The following CDH4 variants were observed in gnomAD, a reference collection of about 807,000 sequenced individuals.
CDH4 encodes the protein cadherin-4.
In CDH4, 33 loss-of-function variants were observed where a neutral mutation model predicts 86.0. The observed-to-expected ratio is 0.38, with a 90% CI of 0.29 to 0.51. CDH4 has a LOEUF of 0.51. Among genes scored for constraint, CDH4 ranks in the 20% least tolerant of loss-of-function variants. The pLI, the probability that CDH4 is intolerant of heterozygous loss-of-function variation, is 0.86. For synonymous variants in CDH4, 555 were observed against 549.4 expected (o/e 1.01, Z -0.14); for missense variants, 1,114 against 1,307.4 (o/e 0.85, Z 2.28).
At chr20:61,730,389 G>T (rs533813994) in intron 2 of CDH4, among the ~76,000 whole-genome samples, 1 of 152,146 alleles carries the variant, frequency 6.6e-6, no homozygotes, top group South Asian at 2.1e-4. Context: ...GAATGTCATG[G>T]AGTTGGAATC....
chr20:61,857,036 A>G (rs1452983851), intron 6 of CDH4, among the ~76,000 whole-genome samples: 1 of 152,170 alleles, frequency 6.6e-6, no homozygotes, highest in Non-Finnish European at 1.5e-5. Context: ...AAGCAGCTGG[A>G]CAGCCCTGGG....
At chr20:61,324,889 G>A (rs1051362682) in intron 2 of CDH4, among the ~76,000 whole-genome samples, 1 of 152,154 alleles carries the variant, frequency 6.6e-6, no homozygotes, top group African/African-American at 2.4e-5. Context: ...CATGGAACTC[G>A]CTGGGAGGCC....
chr20:61,590,115 G>A (rs2086507414), intron 2 of CDH4, among the ~76,000 whole-genome samples: 1 of 150,710 alleles, frequency 6.6e-6, no homozygotes, highest in Admixed American at 6.6e-5. Context: ...AAGCACAGGA[G>A]CTTAAACGAT....
intron 2 of CDH4, among the ~76,000 whole-genome samples, chr20:61,541,096 G>C (rs1206461321): frequency 6.6e-6 from 1 of 152,226 alleles, no homozygotes; most frequent in Non-Finnish European, 1.5e-5. Context: ...GAGACTTCCA[G>C]AAGGGAGCTG....
chr20:61,557,069 TTGGGTGTG>T (rs2086183399), intron 2 of CDH4, among the ~76,000 whole-genome samples: 1 of 152,184 alleles, frequency 6.6e-6, no homozygotes, highest in South Asian at 2.1e-4. Flanking sequence ...AGCCTTCCTC[TTGGGTGTG>T]TGGGTGTTGG....
intron 2 of CDH4, chr20:61,717,672 A>G (rs1425645136): frequency 6.6e-6 from 1 of 152,162 alleles, no homozygotes; most frequent in Non-Finnish European, 1.5e-5. Context: ...TTTTTCATAG[A>G]GGCAGGTTTT....
intron 2 of CDH4, among the ~76,000 whole-genome samples, chr20:61,322,269 A>G (rs2084513024): frequency 6.6e-6 from 1 of 152,184 alleles, no homozygotes; most frequent in South Asian, 2.1e-4. Flanking sequence ...CCACATACAC[A>G]GGAGAGGGGA....
rs200592306 is a variant in CDH4, at chr20:61,777,865, C to T, written c.576+4683C>T. On this transcript the variant is annotated intron_variant, in intron 4 of 15. Transcript: ENST00000614565. ...ATACAAAAACACATCCACATGCGCA[C>T]GCACGTGCATACTATACACACATGC... Among the ~76,000 whole-genome samples, 29 of 151,930 alleles carry T rather than the reference C, an allele frequency of 1.9e-4. No individual in the cohort carries two copies. The East Asian group carries it at 2.2e-3, about 11-fold the overall frequency.
At chr20:61,671,694 G>T (rs1255200359) in intron 2 of CDH4, among the ~76,000 whole-genome samples, 3 of 151,100 alleles carry the variant, frequency 2.0e-5, no homozygotes, top group Admixed American at 2.0e-4. Context: ...TGGGTGGGTG[G>T]GTGGATAGAT....
intron 3 of CDH4, among the ~76,000 whole-genome samples, chr20:61,762,042 C>A (rs1467131959): frequency 6.6e-6 from 1 of 152,244 alleles, no homozygotes. Flanking sequence ...CAAGGCCACC[C>A]CAGGGCCCAC....
At chr20:61,522,466 C>A (rs1021712822) in intron 2 of CDH4, among the ~76,000 whole-genome samples, 23 of 152,260 alleles carry the variant, frequency 1.5e-4, no homozygotes, top group Admixed American at 1.5e-3. Context: ...ACGTTTAATT[C>A]AATCTTTTTC....
intron 2 of CDH4, among the ~76,000 whole-genome samples, chr20:61,657,280 C>T (rs2087202461): frequency 6.6e-6 from 1 of 152,218 alleles, no homozygotes; most frequent in African/African-American, 2.4e-5. Context: ...GTTGATTCTC[C>T]TACATGCTCT....
intron 2 of CDH4, among the ~76,000 whole-genome samples, chr20:61,484,624 G>T (rs78427495): frequency 9.8e-5 from 15 of 152,320 alleles, no homozygotes; most frequent in African/African-American, 3.4e-4. Flanking sequence ...ACCACGTTTG[G>T]GTGGCTCGCA....
intron 2 of CDH4, among the ~76,000 whole-genome samples, chr20:61,457,065 A>G (rs746517830): frequency 1.3e-5 from 2 of 152,218 alleles, no homozygotes; most frequent in African/African-American, 2.4e-5. Flanking sequence ...AAAAGAGAGC[A>G]AACCTGTGTT....
rs577930687 is a variant in CDH4, at chr20:61,517,581, C to T, written c.170-225982C>T. On this transcript the variant is annotated intron_variant, in intron 2 of 15. Transcript: ENST00000614565. This position sits in a 1 kb window ranked among gnomAD's most constrained non-coding sequence, Gnocchi z 6.6. The stretch of plus-strand genomic sequence containing the variant: ...GGATGAATTCAAGCACAATTCCTGC[C>T]TTCTTCACTCCTGACCTTGGAACTT... Among the ~76,000 whole-genome samples the T allele has an allele frequency of 2.2e-4, 34 of 152,238 alleles. No individual in the cohort carries two copies. In the South Asian group the frequency reaches 7.1e-3, roughly 32 times the overall value.
intron 3 of CDH4, among the ~76,000 whole-genome samples, chr20:61,746,623 C>A (rs368241674): frequency 6.6e-6 from 1 of 152,348 alleles, no homozygotes; most frequent in Non-Finnish European, 1.5e-5. Flanking sequence ...AAGGCTTCTG[C>A]GACTTACTGG....
In CDH4 at chr20:61,529,883, G is replaced by A. The variant is rs111851421; in HGVS notation, c.170-213680G>A. On this transcript the variant is annotated intron_variant, in intron 2 of 15. Transcript: ENST00000614565. ...GATGGAGTCTCGCTATGTCACCCAG[G>A]CTAGAGTGCAGTGCCACAATCTTGA... is the stretch of plus-strand genomic sequence containing the variant. Among the ~76,000 whole-genome samples, 844 of 152,198 alleles carry A rather than the reference G, an allele frequency of 5.5e-3. 8 individuals carry two copies. The highest frequency in any genetic ancestry group is 0.019 in the African/African-American group (799 of 41,510).
At chr20:61,440,637 T>C (rs2085309098) in intron 2 of CDH4, among the ~76,000 whole-genome samples, 3 of 152,236 alleles carry the variant, frequency 2.0e-5, no homozygotes, top group Admixed American at 1.3e-4. Flanking sequence ...GTTGAAGCCT[T>C]TCTGACAGTA....
intron 2 of CDH4, among the ~76,000 whole-genome samples, chr20:61,296,251 G>T (rs903389224): frequency 4.8e-5 from 3 of 62,164 alleles, no homozygotes; most frequent in African/African-American, 1.4e-4. Flanking sequence ...GTATGTGTGT[G>T]TGCATGTGTG....
Sources: allele counts gnomAD v4.1 joint callset (sites outside exome capture counted in the v4.1 genomes callset), GRCh38; gene constraint gnomAD v4.1.1; non-coding constraint Gnocchi (gnomAD v3.1); transcripts MANE v1.5; gene names NCBI Gene and HGNC (gene_info 2026-07-23, HGNC 2026-07-21).